The following TAB1 variants were observed in gnomAD, a reference collection of about 807,000 sequenced individuals.
The protein encoded by TAB1 is TGF-beta-activated kinase 1 and MAP3K7-binding protein 1.
Under a neutral mutation model 54.5 loss-of-function variants are expected in TAB1, and 30 were observed. The ratio of observed to expected loss-of-function variants is 0.55; its 90% CI spans 0.41 to 0.75. The LOEUF (loss-of-function observed/expected upper bound fraction) is 0.75. TAB1 is among the 30% of genes least tolerant of loss of function. TAB1 has a pLI of 0.00. For synonymous variants in TAB1, 289 were observed against 286.9 expected (o/e 1.01, Z -0.07); for missense variants, 609 against 683.2 (o/e 0.89, Z 1.21).
downstream of TAB1, among the ~76,000 whole-genome samples, chr22:39,434,205 G>T (rs1927699556): frequency 6.6e-6 from 1 of 152,262 alleles, no homozygotes; most frequent in Admixed American, 6.5e-5. Context: ...CTACTGATGG[G>T]GAGACAGGTA....
chr22:39,418,127 C>T (rs567104874), intron 5 of TAB1, among the ~76,000 whole-genome samples: 1 of 152,248 alleles, frequency 6.6e-6, no homozygotes, highest in African/African-American at 2.4e-5. Context: ...CCTTGGGGGC[C>T]GCTGCTTCTG....
rs150942197 is a variant in TAB1, at chr22:39,422,063, G to C, written c.921+92G>C. ...CTGCCTTCTAGCACTGTGATTCTCG[G>C]AGGCCGTCACCAGACATCTCTGGGT... is the stretch of plus-strand genomic sequence containing the variant. On this transcript the variant is annotated intron_variant, in intron 8 of 10. Coordinates refer to ENST00000216160, the MANE Select transcript of TAB1 (RefSeq NM_006116.3). The C allele has an allele frequency of 7.4e-5, 89 of 1,204,196 alleles. No homozygotes were observed. In the East Asian group the frequency reaches 2.6e-3, roughly 36 times the overall value. The allele number at this position is 1,204,196 out of a possible 1,614,324, so 74.6% of individuals were successfully genotyped here. A position where few individuals can be genotyped will look rare whatever the true frequency, so the allele number is the denominator to read the frequency against.
chr22:39,421,164 T>G (rs144486045), intron 7 of TAB1, among the ~76,000 whole-genome samples: 13 of 152,188 alleles, frequency 8.5e-5, no homozygotes, highest in African/African-American at 3.1e-4. Flanking sequence ...TTTGGAGATA[T>G]GTTTACACAC....
At chr22:39,400,454 T>G (rs752073442) in intron 1 of TAB1, among the ~76,000 whole-genome samples, 6 of 150,966 alleles carry the variant, frequency 4.0e-5, no homozygotes, top group Non-Finnish European at 7.4e-5. Context: ...TGGGTTCTGG[T>G]CCTGGCTCTG....
chr22:39,418,901 C>A, intron 6 of TAB1, 56 bp downstream of exon 6: 1 of 1,433,006 alleles, frequency 7.0e-7, no homozygotes. Flanking sequence ...CCTTCGCCTG[C>A]CTTTGGTGGT....
At chr22:39,404,001 G>A (rs1926259001) in intron 1 of TAB1, among the ~76,000 whole-genome samples, 1 of 152,146 alleles carries the variant, frequency 6.6e-6, no homozygotes, top group South Asian at 2.1e-4. Context: ...CCTCCTAAGA[G>A]ACTCCTAGAG....
At chr22:39,413,700 C>A (rs1361710273) in intron 1 of TAB1, among the ~76,000 whole-genome samples, 1 of 152,230 alleles carries the variant, frequency 6.6e-6, no homozygotes, top group Admixed American at 6.5e-5. Context: ...GCTGGGATTA[C>A]GGGCGTGAGC....
At chr22:39,428,306 C>T (rs1382159641) in intron 10 of TAB1, 123 bp downstream of exon 10, 1 of 615,898 alleles carries the variant, frequency 1.6e-6, no homozygotes, top group Non-Finnish European at 2.7e-6. Context: ...GTCTGGAATT[C>T]CCCAGCTCCG....
At chr22:39,412,186 TG>T (rs1161823960) in intron 1 of TAB1, among the ~76,000 whole-genome samples, 1 of 152,062 alleles carries the variant, frequency 6.6e-6, no homozygotes, top group East Asian at 1.9e-4. Flanking sequence ...ATTACAGGTG[TG>T]CGCCACCACG....
chr22:39,401,990 C>T (rs534738780), intron 1 of TAB1, among the ~76,000 whole-genome samples: 1 of 152,290 alleles, frequency 6.6e-6, no homozygotes, highest in Non-Finnish European at 1.5e-5. Flanking sequence ...TGTAGATCAG[C>T]TTGGGAGGAG....
downstream of TAB1, chr22:39,436,668 A>T: frequency 1.0e-6 from 1 of 1,000,150 alleles, no homozygotes; most frequent in Non-Finnish European, 1.6e-6. Flanking sequence ...TTCTCGTGCC[A>T]GGCCAGGCCC....
intron 4 of TAB1, 81 bp downstream of exon 4, chr22:39,416,958 C>A: frequency 1.5e-6 from 2 of 1,376,782 alleles, no homozygotes; most frequent in Non-Finnish European, 2.0e-6. Flanking sequence ...ACTTTCTTGA[C>A]ATTACTGGGC....
downstream of TAB1, chr22:39,433,455 G>GAA (rs11454588): frequency 0.071 from 55,325 of 783,992 alleles, no homozygotes; most frequent in South Asian, 0.095. Flanking sequence ...CCTGTCTCAA[G>GAA]AAAAAAAAAA....
chr22:39,430,704 G>T lies in TAB1; in HGVS notation c.*482G>T. 9.7e-7 allele frequency: 1 copy of T among 1,032,868 alleles called. No homozygotes were observed. The highest frequency in any genetic ancestry group is 1.2e-6 in the Non-Finnish European group (1 of 856,414). The allele number at this position is 1,032,868 out of a possible 1,614,324, so 64.0% of individuals were successfully genotyped here. A position where few individuals can be genotyped will look rare whatever the true frequency, so the allele number is the denominator to read the frequency against. Reference sequence around the variant, plus strand: ...TCAGCCCTGTGCTCCTGCATCCAGAGTGGAACCCAGGCTGGTGTCCGCATC... The same window carrying T: ...TCAGCCCTGTGCTCCTGCATCCAGATTGGAACCCAGGCTGGTGTCCGCATC... On this transcript the variant is annotated 3_prime_UTR_variant, in exon 11 of 11. Coordinates refer to ENST00000216160, the MANE Select transcript of TAB1 (RefSeq NM_006116.3).
intron 1 of TAB1, among the ~76,000 whole-genome samples, chr22:39,404,822 T>A (rs547185970): frequency 6.6e-6 from 1 of 152,276 alleles, no homozygotes; most frequent in South Asian, 2.1e-4. Context: ...AGGAGCTCTT[T>A]AGGATGACGA....
intron 8 of TAB1, 80 bp downstream of exon 8, chr22:39,422,051 C>A: frequency 7.8e-7 from 1 of 1,285,604 alleles, no homozygotes; most frequent in Non-Finnish European, 1.0e-6. Context: ...CCTTCTAGCA[C>A]TGTGATTCTC....
intron 8 of TAB1, among the ~76,000 whole-genome samples, chr22:39,422,214 G>A (rs1199562071): frequency 6.6e-6 from 1 of 152,092 alleles, no homozygotes; most frequent in Admixed American, 6.6e-5. Flanking sequence ...GGGAAGAGGG[G>A]GAGATGGATG....
chr22:39,424,635 A>T (rs1223567607), intron 8 of TAB1, among the ~76,000 whole-genome samples: 1 of 151,764 alleles, frequency 6.6e-6, no homozygotes, highest in Non-Finnish European at 1.5e-5. Context: ...TTTAGTAGAG[A>T]TGGGGTTTTG....
At chr22:39,411,413 C>G (rs917515123) in intron 1 of TAB1, among the ~76,000 whole-genome samples, 1 of 152,112 alleles carries the variant, frequency 6.6e-6, no homozygotes, top group Admixed American at 6.6e-5. Context: ...AAGAAAATAA[C>G]CTAATTTAAA....
Sources: gnomAD v4.1 joint callset for allele counts (sites outside exome capture counted in the v4.1 genomes callset) on GRCh38, gnomAD v4.1.1 for gene constraint, MANE v1.5 for transcripts, NCBI Gene and HGNC (gene_info 2026-07-23, HGNC 2026-07-21) for gene names.